IBSP: variants seen among roughly 807,000 people sequenced by gnomAD.
IBSP encodes integrin-binding sialoprotein.
In IBSP, 19 loss-of-function variants were observed where a neutral mutation model predicts 25.5. The observed-to-expected ratio is 0.74, with a 90% CI of 0.52 to 1.09. IBSP has a LOEUF of 1.09. Among genes scored for constraint, IBSP ranks in the 50% least tolerant of loss-of-function variants. The pLI is 0.00. For missense variants in IBSP, 360 were observed against 382.3 expected, an observed-to-expected ratio of 0.94 and a Z score of 0.49; for synonymous variants, 144 against 137.6, an observed-to-expected ratio of 1.05 and a Z score of -0.33.
At chr4:87,810,444 G>T (rs1242972104) in intron 5 of IBSP, among the ~76,000 whole-genome samples, 162 bp from the exon 6 acceptor site, 2 of 152,350 alleles carry the variant, frequency 1.3e-5, no homozygotes, top group Non-Finnish European at 2.9e-5. Context: ...GAAGTGAGAA[G>T]TGCAAATGGC....
Position 87,802,412 on chromosome 4 carries a change from C to T in IBSP, c.51C>T (p.Phe17=). The change falls in exon 2 of 7, where the codon TTC becomes TTT. Residue 17 remains phenylalanine, a synonymous_variant. Transcript: ENST00000226284. The part of the protein sequence containing the change: ...LLSILGMACA[F]SMKNLHRRVK... The stretch of plus-strand genomic sequence containing the variant: ...GCATTTTGGGAATGGCCTGTGCTTT[C>T]TCAGTAAGTTCTTTATCAAAACCCA... 6.2e-7 allele frequency: 1 copy of T among 1,608,956 alleles called. No homozygotes were observed. The highest frequency in any genetic ancestry group is 8.5e-7 in the Non-Finnish European group (1 of 1,178,202).
In IBSP at chr4:87,811,496, T is replaced by C. The variant is rs781048273; in HGVS notation, c.540T>C (p.Ser180=). Residue 180 remains serine, a synonymous_variant, in exon 7 of 7, where the codon AGT becomes AGC. Coordinates refer to ENST00000226284, the MANE Select transcript of IBSP (RefSeq NM_004967.4). ...ACGAACAAGGCATAAACGGCACCAG[T>C]ACCAACAGCACAGAGGCAGAAAACG... ...DENEQGINGT[S]TNSTEAENGN... 1.2e-5 allele frequency: 20 copies of C among 1,613,266 alleles called. 1 individual carries two copies. The South Asian group carries it at 2.0e-4, about 16-fold the overall frequency.
At chr4:87,801,488 A>T (rs1722015518) in intron 1 of IBSP, among the ~76,000 whole-genome samples, 1 of 68,352 alleles carries the variant, frequency 1.5e-5, no homozygotes, top group Non-Finnish European at 3.3e-5. Flanking sequence ...CCATACACAC[A>T]CACACACACA....
intron 5 of IBSP, among the ~76,000 whole-genome samples, chr4:87,806,737 G>A (rs1214786800): frequency 2.0e-5 from 3 of 152,230 alleles, no homozygotes; most frequent in African/African-American, 7.2e-5. Context: ...TGTTGTGGTG[G>A]CTCATGCCTG....
intron 5 of IBSP, among the ~76,000 whole-genome samples, chr4:87,808,056 C>T (rs941676298): frequency 2.6e-5 from 4 of 152,126 alleles, no homozygotes; most frequent in Non-Finnish European, 5.9e-5. Flanking sequence ...ATGTTATTAG[C>T]AATTTAGGTT....
intron 4 of IBSP, among the ~76,000 whole-genome samples, chr4:87,803,037 T>G (rs1435823554): frequency 6.6e-6 from 1 of 152,208 alleles, no homozygotes; most frequent in African/African-American, 2.4e-5. Context: ...GTGGACAGTT[T>G]TATCAGTTGT....
intron 5 of IBSP, among the ~76,000 whole-genome samples, chr4:87,807,890 C>T (rs1360904441): frequency 6.6e-6 from 1 of 152,126 alleles, no homozygotes; most frequent in Non-Finnish European, 1.5e-5. Context: ...ATATATGGTG[C>T]CCAGTACATA....
intron 5 of IBSP, among the ~76,000 whole-genome samples, chr4:87,809,957 C>T (rs563967783): frequency 1.6e-4 from 25 of 152,242 alleles, no homozygotes; most frequent in Middle Eastern, 3.4e-3. Context: ...GCAGACTGGG[C>T]GCGGTGGCTC....
intron 4 of IBSP, among the ~76,000 whole-genome samples, 193 bp from the exon 5 acceptor site, chr4:87,805,929 C>G (rs541517840): frequency 2.6e-5 from 4 of 152,192 alleles, no homozygotes; most frequent in Admixed American, 2.6e-4. Context: ...TTTTGCATGT[C>G]TAATCTCCTA....
chr4:87,799,661 T>C (rs1050400821), intron 1 of IBSP, 28 bp downstream of exon 1: 2 of 152,202 alleles, frequency 1.3e-5, no homozygotes, highest in Admixed American at 6.5e-5. Context: ...AACTTCATTA[T>C]CATAAAATTA....
At position 87,811,495 on chromosome 4, in the gene IBSP, G is replaced by T; in HGVS notation, c.539G>T (p.Ser180Ile). 6.2e-7 allele frequency: 1 copy of T among 1,614,036 alleles called. No individual in the cohort carries two copies. The change falls in exon 7 of 7, where the codon AGT (serine) becomes ATT (isoleucine). Residue 180 changes from serine to isoleucine, a missense_variant. Physicochemically the swap from Ser to Ile is moderately radical, Grantham distance 142. Coordinates refer to ENST00000226284, the MANE Select transcript of IBSP (RefSeq NM_004967.4). ...AACGAACAAGGCATAAACGGCACCA[G>T]TACCAACAGCACAGAGGCAGAAAAC... Reference protein sequence around the residue: ...DENEQGINGTSTNSTEAENGN... With the variant: ...DENEQGINGTITNSTEAENGN...
intron 6 of IBSP, among the ~76,000 whole-genome samples, chr4:87,811,005 T>G (rs1722162609): frequency 6.6e-6 from 1 of 152,128 alleles, no homozygotes; most frequent in Non-Finnish European, 1.5e-5. Flanking sequence ...GACTTTTACA[T>G]TATAACAGAA....
chr4:87,801,510 ACACACG>A (rs900160278), intron 1 of IBSP, among the ~76,000 whole-genome samples: 7 of 85,160 alleles, frequency 8.2e-5, no homozygotes, highest in Non-Finnish European at 2.0e-4. Context: ...ACACACACAC[ACACACG>A]CATATACACA....
At chr4:87,804,425 G>A (rs1722064254) in intron 4 of IBSP, among the ~76,000 whole-genome samples, 1 of 152,106 alleles carries the variant, frequency 6.6e-6, no homozygotes, top group African/African-American at 2.4e-5. Context: ...GCTATCTATT[G>A]TGGCTTATAT....
rs1722085124 is a variant in IBSP, at chr4:87,806,162, C to CAGAAGAGGAGGAGGA, written c.233_246+1dup. ...TCCGAAGAAAATGGAGATGACAGTTCAGAAGAGGAGGAGGAAGAAGAGGTA... is the reference window on the plus strand; with the variant it reads ...TCCGAAGAAAATGGAGATGACAGTTCAGAAGAGGAGGAGGAAGAAGAGGAGGAGGAAGAAGAGGTA... On this transcript the variant is annotated inframe_insertion, in exon 5 of 7. Coordinates refer to ENST00000226284, the MANE Select transcript of IBSP (RefSeq NM_004967.4). The CAGAAGAGGAGGAGGA allele has an allele frequency of 1.2e-6, 2 of 1,611,152 alleles. No individual in the cohort carries two copies. The highest frequency in any genetic ancestry group is 1.7e-6 in the Non-Finnish European group (2 of 1,179,038).
chr4:87,805,250 A>G (rs1014223926), intron 4 of IBSP, among the ~76,000 whole-genome samples: 7 of 152,210 alleles, frequency 4.6e-5, no homozygotes, highest in African/African-American at 1.7e-4. Context: ...TCAAAGCTAA[A>G]TATTGCAGGG....
In IBSP at chr4:87,812,062, G is replaced by A. The variant is rs1257938499; in HGVS notation, c.*152G>A. 4 of 557,650 alleles carry A rather than the reference G, an allele frequency of 7.2e-6. No homozygotes were observed. Among genetic ancestry groups the A allele is most frequent in the Non-Finnish European group, 1.2e-5 (4 of 331,444 alleles). The allele number at this position is 557,650 out of a possible 1,614,324, so 34.5% of individuals were successfully genotyped here. On this transcript the variant is annotated 3_prime_UTR_variant, in exon 7 of 7. Transcript: ENST00000226284. ...GATTTTCTGTAATTGCTTCTGCAAA[G>A]TAATAGGCTTCTTGTCCCTTTTTTT...
intron 3 of IBSP, 21 bp downstream of exon 3, chr4:87,802,579 T>A (rs764306350): frequency 3.1e-6 from 5 of 1,592,924 alleles, no homozygotes; most frequent in Non-Finnish European, 3.4e-6. Flanking sequence ...TTAGCATACT[T>A]CCTTGGCCTG....
chr4:87,810,604 A>G lies in IBSP; in HGVS notation c.247-2A>G. Reference sequence around the variant, plus strand: ...TTTTCTTACTATGAATATTTTTAACAGGAGACTTCAAATGAAGGAGAAAAC... The same window carrying G: ...TTTTCTTACTATGAATATTTTTAACGGGAGACTTCAAATGAAGGAGAAAAC... On this transcript the variant is annotated splice_acceptor_variant, in intron 5 of 6. Coordinates refer to ENST00000226284, the MANE Select transcript of IBSP (RefSeq NM_004967.4). LOFTEE classifies it high-confidence loss of function. 6.2e-7 allele frequency: 1 copy of G among 1,603,644 alleles called. No individual in the cohort carries two copies. The highest frequency in any genetic ancestry group is 1.1e-5 in the South Asian group (1 of 90,630).
Sources: allele counts gnomAD v4.1 joint callset (sites outside exome capture counted in the v4.1 genomes callset), GRCh38; gene constraint gnomAD v4.1.1; transcripts MANE v1.5; gene names NCBI Gene and HGNC (gene_info 2026-07-23, HGNC 2026-07-21).